PCDH11X: variants seen among roughly 807,000 people sequenced by gnomAD.
PCDH11X encodes the protein protocadherin-11 X-linked.
Under a neutral mutation model 53.3 loss-of-function variants are expected in PCDH11X, and 18 were observed. The ratio of observed to expected loss-of-function variants is 0.34; its 90% CI spans 0.23 to 0.50. The LOEUF is 0.50. PCDH11X is among the 20% of genes least tolerant of loss of function. PCDH11X has a pLI of 0.98. For missense variants in PCDH11X, 570 were observed against 1,032.4 expected, an observed-to-expected ratio of 0.55 and a Z score of 6.14; for synonymous variants, 279 against 393.3, an observed-to-expected ratio of 0.71 and a Z score of 3.44.
intron 6 of PCDH11X, among the ~76,000 whole-genome samples, chrX:92,164,181 T>G (rs112807466): frequency 0.028 from 3,165 of 111,932 alleles, 108 homozygotes; most frequent in African/African-American, 0.097. Context: ...GACACGGGCT[T>G]CTTCTTACTG....
At chrX:92,556,285 T>C (rs1273891266) in intron 10 of PCDH11X, among the ~76,000 whole-genome samples, 2 of 111,265 alleles carry the variant, frequency 1.8e-5, no homozygotes, top group East Asian at 5.7e-4. Flanking sequence ...TTTTAGCTCA[T>C]TCCAGCATTA....
chrX:91,918,826 C>A (rs1941654786), intron 6 of PCDH11X, among the ~76,000 whole-genome samples: 1 of 110,624 alleles, frequency 9.0e-6, no homozygotes, highest in South Asian at 3.8e-4. Flanking sequence ...TGATAAATGC[C>A]TACTAAAACA....
intron 10 of PCDH11X, among the ~76,000 whole-genome samples, chrX:92,501,775 G>A (rs1014641120): frequency 9.0e-6 from 1 of 111,315 alleles, no homozygotes; most frequent in African/African-American, 3.3e-5. Flanking sequence ...TACTGAATGA[G>A]CAAAAGCTGG....
chrX:91,821,230 G>T (rs1936668405), intron 4 of PCDH11X, among the ~76,000 whole-genome samples: 1 of 110,397 alleles, frequency 9.1e-6, no homozygotes, highest in Admixed American at 9.6e-5. Flanking sequence ...GTAGCTTGAT[G>T]GGGATGGCAT....
chrX:91,818,535 TA>T (rs60052708), intron 4 of PCDH11X, among the ~76,000 whole-genome samples: 12,913 of 100,326 alleles, frequency 0.13, 2,050 homozygotes, highest in African/African-American at 0.43. Context: ...CCATCTCTAC[TA>T]AAAAAAAAAA....
At chrX:91,907,765 T>C (rs1359985894) in intron 6 of PCDH11X, among the ~76,000 whole-genome samples, 1 of 109,660 alleles carries the variant, frequency 9.1e-6, no homozygotes, top group African/African-American at 3.3e-5. Context: ...TTGTTTTTTC[T>C]GGTCCTCTCC....
chrX:92,575,936 T>TACACAC (rs1462543427), intron 10 of PCDH11X, among the ~76,000 whole-genome samples: 999 of 26,156 alleles, frequency 0.038, 70 homozygotes, highest in Admixed American at 0.11. Context: ...TATATATATA[T>TACACAC]ATATATATAC....
At chrX:91,791,930 C>A (rs777547403) in intron 1 of PCDH11X, among the ~76,000 whole-genome samples, 1 of 102,658 alleles carries the variant, frequency 9.7e-6, no homozygotes, top group African/African-American at 3.6e-5. Context: ...GGCGCAATCT[C>A]GGCTCACTGC....
intron 6 of PCDH11X, among the ~76,000 whole-genome samples, chrX:91,975,985 C>T (rs931793918): frequency 2.6e-4 from 29 of 111,562 alleles, no homozygotes; most frequent in Admixed American, 2.4e-3. Flanking sequence ...TATGTACTCT[C>T]TTATTAGCCA....
chrX:92,142,162 T>A lies in PCDH11X; in HGVS notation c.3034-59213T>A, dbSNP rs868539625. 2.4e-4 allele frequency among the ~76,000 whole-genome samples: 26 copies of A among 106,486 alleles called. 1 individual carries two copies. The highest frequency in any genetic ancestry group is 5.9e-4 in the African/African-American group (17 of 28,652). 92.5% of individuals were successfully genotyped at this position (106,486 alleles called of 115,157 possible). On this transcript the variant is annotated intron_variant, in intron 6 of 10. Coordinates refer to ENST00000682573, the MANE Select transcript of PCDH11X (RefSeq NM_032968.5). ...AAGTGCTAAATTATTATTATTATTT[T>A]TTTTTTTTTTTGAGATGGAGTTTTG...
intron 5 of PCDH11X, among the ~76,000 whole-genome samples, chrX:91,873,211 T>C (rs1225343174): frequency 3.6e-5 from 4 of 110,393 alleles, no homozygotes; most frequent in Non-Finnish European, 7.6e-5. Context: ...CATGATGTCT[T>C]AGGATAGTAC....
intron 4 of PCDH11X, among the ~76,000 whole-genome samples, chrX:91,832,765 A>G (rs1306012949): frequency 1.8e-5 from 2 of 111,277 alleles, no homozygotes; most frequent in African/African-American, 6.5e-5. Flanking sequence ...CATGCATGCA[A>G]TGCTTTTATT....
chrX:92,534,198 G>A (rs1360644648), intron 10 of PCDH11X, among the ~76,000 whole-genome samples: 1 of 110,613 alleles, frequency 9.0e-6, no homozygotes, highest in Admixed American at 9.8e-5. Context: ...ACAGTGTAGA[G>A]AAGACCTTAA....
intron 6 of PCDH11X, among the ~76,000 whole-genome samples, chrX:91,884,819 G>A (rs1940124573): frequency 9.2e-6 from 1 of 108,638 alleles, no homozygotes; most frequent in Non-Finnish European, 1.9e-5. Context: ...TAATTCAAAT[G>A]TTAATTATGT....
chrX:92,378,376 G>A (rs1052577371), intron 8 of PCDH11X, among the ~76,000 whole-genome samples: 4 of 108,876 alleles, frequency 3.7e-5, no homozygotes, highest in Admixed American at 2.0e-4. Flanking sequence ...GTTCTAATTA[G>A]GGTAGTCTGA....
intron 6 of PCDH11X, among the ~76,000 whole-genome samples, chrX:91,978,086 G>A: frequency 9.0e-6 from 1 of 111,232 alleles, no homozygotes; most frequent in East Asian, 2.8e-4. Context: ...GTCTAACATG[G>A]CAGATGAGAA....
intron 6 of PCDH11X, among the ~76,000 whole-genome samples, chrX:92,119,393 C>T (rs940031009): frequency 3.4e-4 from 38 of 111,799 alleles, no homozygotes; most frequent in African/African-American, 1.1e-3. Flanking sequence ...AGGTGTGAGC[C>T]ACCACACCTA....
chrX:92,460,647 G>A (rs2073020090), intron 9 of PCDH11X: 8 of 891,648 alleles, frequency 9.0e-6, no homozygotes, highest in South Asian at 6.3e-5. Flanking sequence ...GTGGAGGCCC[G>A]CTACTCCCTA....
intron 8 of PCDH11X, chrX:92,288,079 T>G: frequency 4.1e-6 from 2 of 491,096 alleles, no homozygotes; most frequent in Non-Finnish European, 7.3e-6. Flanking sequence ...GCCTCTTTTC[T>G]TTATAAACTA....
Sources: gnomAD v4.1 joint callset for allele counts (sites outside exome capture counted in the v4.1 genomes callset) on GRCh38, gnomAD v4.1.1 for gene constraint, MANE v1.5 for transcripts, NCBI Gene and HGNC (gene_info 2026-07-23, HGNC 2026-07-21) for gene names.